Variants in GPATCH2L observed in about 807,000 individuals in gnomAD.
GPATCH2L encodes G-patch domain containing 2 like, also known as G patch domain-containing protein 2-like.
A neutral mutation model predicts 57.4 loss-of-function variants in GPATCH2L; 31 were observed. The ratio of observed to expected loss-of-function variants is 0.54; its 90% CI spans 0.41 to 0.73. GPATCH2L has a LOEUF of 0.73. Ranked by LOEUF, GPATCH2L falls within the 30% of genes least tolerant of loss-of-function variation. GPATCH2L has a pLI of 0.00. For synonymous variants in GPATCH2L, 199 were observed against 210.7 expected, an observed-to-expected ratio of 0.94 and a Z score of 0.48; for missense variants, 481 against 599.9, an observed-to-expected ratio of 0.80 and a Z score of 2.07.
chr14:76,216,348 T>TA (rs1231145096), downstream of GPATCH2L, among the ~76,000 whole-genome samples: 2 of 152,180 alleles, frequency 1.3e-5, no homozygotes, highest in Admixed American at 1.3e-4. Context: ...AAATTTAATT[T>TA]ACAGTAGACC....
chr14:76,173,171 C>T (rs1021969896), intron 4 of GPATCH2L, among the ~76,000 whole-genome samples: 1 of 152,182 alleles, frequency 6.6e-6, no homozygotes, highest in African/African-American at 2.4e-5. Context: ...ATGTTTTTGA[C>T]GTACAAACTA....
chr14:76,156,781 G>C (rs1039262621), intron 2 of GPATCH2L, among the ~76,000 whole-genome samples: 2 of 152,186 alleles, frequency 1.3e-5, no homozygotes, highest in Admixed American at 6.5e-5. Context: ...GTATGTGAGA[G>C]AGCGACTGTT....
At chr14:76,197,762 A>G (rs1458977397) in intron 9 of GPATCH2L, among the ~76,000 whole-genome samples, 3 of 152,208 alleles carry the variant, frequency 2.0e-5, no homozygotes, top group East Asian at 1.9e-4. Flanking sequence ...TACGGCATAC[A>G]TCTGTTATCG....
rs2038856180 is a variant in GPATCH2L, at chr14:76,166,698, G to A, written c.698G>A (p.Gly233Glu). The A allele has an allele frequency of 6.2e-7, 1 of 1,611,452 alleles. No homozygotes were observed. Among genetic ancestry groups the A allele is most frequent in the Non-Finnish European group, 8.5e-7 (1 of 1,177,760 alleles). ...AGTGTGTGTAGCAGCAGTGACACTG[G>A]GCTCTTTACCAATGATGAAGGGCGA... ...TSSVCSSSDT[G>E]LFTNDEGRQG... Residue 233 changes from glycine to glutamate, a missense_variant, in exon 3 of 10, where the codon GGG becomes GAG. Physicochemically the swap from Gly to Glu is moderately conservative, Grantham distance 98. Transcript: ENST00000261530.
At chr14:76,164,450 G>A (rs2038738583) in intron 2 of GPATCH2L, among the ~76,000 whole-genome samples, 4 of 152,096 alleles carry the variant, frequency 2.6e-5, no homozygotes. Flanking sequence ...AATTGGGACG[G>A]GGGCTGCAAA....
chr14:76,169,061 C>G (rs925680804), intron 3 of GPATCH2L, among the ~76,000 whole-genome samples: 5 of 152,226 alleles, frequency 3.3e-5, no homozygotes, highest in Non-Finnish European at 5.9e-5. Flanking sequence ...ATGTGCTTCA[C>G]TATCCCCTTG....
intron 5 of GPATCH2L, 30 bp from the exon 6 acceptor site, chr14:76,176,593 A>G (rs768731265): frequency 2.7e-6 from 4 of 1,476,872 alleles, no homozygotes; most frequent in East Asian, 2.3e-5. Context: ...CTGTGGTTGG[A>G]TGATACTCTT....
intron 2 of GPATCH2L, among the ~76,000 whole-genome samples, chr14:76,156,647 G>T (rs1176476703): frequency 6.6e-6 from 1 of 152,162 alleles, no homozygotes; most frequent in East Asian, 1.9e-4. Flanking sequence ...TTTTAATATT[G>T]AGCATATATA....
intron 8 of GPATCH2L, among the ~76,000 whole-genome samples, chr14:76,190,323 C>T (rs1900124): frequency 6.6e-6 from 1 of 151,954 alleles, no homozygotes; most frequent in Non-Finnish European, 1.5e-5. Flanking sequence ...CTTGTAATAA[C>T]AATTTAATGA....
At chr14:76,183,574 T>G (rs1387864862) in intron 8 of GPATCH2L, among the ~76,000 whole-genome samples, 1 of 152,222 alleles carries the variant, frequency 6.6e-6, no homozygotes, top group African/African-American at 2.4e-5. Context: ...TTTTTTCAGA[T>G]TTTTTACTCA....
downstream of GPATCH2L, among the ~76,000 whole-genome samples, chr14:76,215,753 CTG>C (rs371204815): frequency 0.018 from 1,918 of 109,446 alleles, 15 homozygotes; most frequent in South Asian, 0.041. Context: ...ATATCACACT[CTG>C]GGGACTGTGG....
rs933160201 is a variant in GPATCH2L, at chr14:76,202,322, G to A, written c.*471G>A. The stretch of plus-strand genomic sequence containing the variant: ...ATTGTGTTCGCAGGAGATAAGGCTT[G>A]CCTTTGAGCCTACTCTTGATTCATG... On this transcript the variant is annotated 3_prime_UTR_variant, in exon 10 of 10. Coordinates refer to ENST00000261530, the MANE Select transcript of GPATCH2L (RefSeq NM_017926.4). The A allele has an allele frequency of 6.5e-6, 1 of 152,794 alleles. No homozygotes were observed. The highest frequency in any genetic ancestry group is 2.4e-5 in the African/African-American group (1 of 41,424). The allele number at this position is 152,794 out of a possible 1,614,324, so 9.5% of individuals were successfully genotyped here. A position where few individuals can be genotyped will look rare whatever the true frequency, so the allele number is the denominator to read the frequency against.
At chr14:76,218,022 C>T (rs1566827332), downstream of GPATCH2L, among the ~76,000 whole-genome samples, 1 of 152,152 alleles carries the variant, frequency 6.6e-6, no homozygotes, top group Non-Finnish European at 1.5e-5. Flanking sequence ...AGGCTTATTT[C>T]AGGAATGCAA....
chr14:76,218,922 T>G (rs1595012450), downstream of GPATCH2L, among the ~76,000 whole-genome samples: 2 of 150,482 alleles, frequency 1.3e-5, no homozygotes, highest in East Asian at 3.9e-4. Flanking sequence ...TTAAGTTGGA[T>G]CTATACTTCA....
chr14:76,231,622 T>TACACACATAC (rs140013649), intron 2 of GPATCH2L, among the ~76,000 whole-genome samples: 1 of 147,364 alleles, frequency 6.8e-6, no homozygotes, highest in Admixed American at 6.8e-5. Flanking sequence ...ACTAAACACA[T>TACACACATAC]ACACACACAC....
chr14:76,180,959 C>A, intron 8 of GPATCH2L, 110 bp downstream of exon 8: 1 of 704,224 alleles, frequency 1.4e-6, no homozygotes, highest in Non-Finnish European at 2.5e-6. Context: ...TTGATCCTGA[C>A]AATCTTTTGA....
At chr14:76,234,529 G>A (rs907690003) in intron 2 of GPATCH2L, 2 of 152,270 alleles carry the variant, frequency 1.3e-5, no homozygotes, top group African/African-American at 4.8e-5. Context: ...GAAGGAACAA[G>A]CTTCCATGAA....
At chr14:76,226,584 C>A (rs75805091) in intron 1 of GPATCH2L, among the ~76,000 whole-genome samples, 3,352 of 152,234 alleles carry the variant, frequency 0.022, 76 homozygotes, top group South Asian at 0.077. Context: ...CCAATGCCAC[C>A]GTGTTGGGAG....
At chr14:76,183,147 A>C (rs1005599684) in intron 8 of GPATCH2L, among the ~76,000 whole-genome samples, 1 of 152,198 alleles carries the variant, frequency 6.6e-6, no homozygotes, top group Non-Finnish European at 1.5e-5. Context: ...TGGCTGGACT[A>C]GGCATCAGCT....
Sources: gnomAD v4.1 joint callset for allele counts (sites outside exome capture counted in the v4.1 genomes callset) on GRCh38, gnomAD v4.1.1 for gene constraint, MANE v1.5 for transcripts, NCBI Gene and HGNC (gene_info 2026-07-23, HGNC 2026-07-21) for gene names.